Variants in NRXN3 observed in about 807,000 individuals in gnomAD.
NRXN3 encodes the protein neurexin 3.
A neutral mutation model predicts 137.6 loss-of-function variants in NRXN3; 32 were observed. The observed-to-expected ratio is 0.23, with a 90% CI of 0.18 to 0.31. The LOEUF (loss-of-function observed/expected upper bound fraction) is 0.31. NRXN3 is among the 10% of genes least tolerant of loss of function. NRXN3 has a pLI of 1.00. For synonymous variants in NRXN3, 798 were observed against 784.5 expected (o/e 1.02, Z -0.29); for missense variants, 1,574 against 2,062.5 (o/e 0.76, Z 4.59).
At chr14:78,718,567 T>A (rs532192720) in intron 8 of NRXN3, among the ~76,000 whole-genome samples, 1 of 152,332 alleles carries the variant, frequency 6.6e-6, no homozygotes, top group South Asian at 2.1e-4. Flanking sequence ...GATACTAAGA[T>A]TAATTTGCAT....
intron 16 of NRXN3, among the ~76,000 whole-genome samples, chr14:79,573,414 A>C (rs1431715357): frequency 6.6e-6 from 1 of 152,150 alleles, no homozygotes; most frequent in Non-Finnish European, 1.5e-5. Context: ...AGCTTCAGCC[A>C]GTTGTCACAC....
intron 15 of NRXN3, among the ~76,000 whole-genome samples, chr14:79,159,472 C>T (rs1056858482): frequency 1.3e-5 from 2 of 151,758 alleles, no homozygotes; most frequent in African/African-American, 4.8e-5. Context: ...GTGTCTATGG[C>T]GTTGGCTATT....
intron 19 of NRXN3, among the ~76,000 whole-genome samples, chr14:79,723,311 T>C (rs1248792093): frequency 6.6e-6 from 1 of 152,092 alleles, no homozygotes; most frequent in Non-Finnish European, 1.5e-5. Context: ...AGGGGATCCA[T>C]AGACACAAAA....
intron 15 of NRXN3, among the ~76,000 whole-genome samples, chr14:79,203,017 C>T (rs1281716424): frequency 6.6e-6 from 1 of 152,188 alleles, no homozygotes; most frequent in African/African-American, 2.4e-5. Flanking sequence ...TCCATGCCAA[C>T]ATCTACTGTT....
intron 16 of NRXN3, among the ~76,000 whole-genome samples, chr14:79,479,175 T>G (rs2096585141): frequency 6.6e-6 from 1 of 152,168 alleles, no homozygotes; most frequent in African/African-American, 2.4e-5. Context: ...GTTACTAAAC[T>G]TTTTTGAAAA....
intron 2 of NRXN3, 24 bp from the exon 3 acceptor site, chr14:78,278,621 C>T: frequency 6.5e-7 from 1 of 1,532,182 alleles, no homozygotes; most frequent in Non-Finnish European, 8.7e-7. Context: ...CTCCCTTTCC[C>T]TCCCTTTGAA....
At chr14:78,531,986 T>C (rs956886086) in intron 4 of NRXN3, among the ~76,000 whole-genome samples, 1 of 152,082 alleles carries the variant, frequency 6.6e-6, no homozygotes, top group Non-Finnish European at 1.5e-5. Flanking sequence ...CCCTAAGTTT[T>C]ATTGGAGAAC....
intron 4 of NRXN3, among the ~76,000 whole-genome samples, chr14:78,378,212 C>T (rs556702912): frequency 1.4e-4 from 22 of 152,200 alleles, no homozygotes; most frequent in East Asian, 5.8e-4. Context: ...AGGCCGGGAA[C>T]GGTGGCTCAC....
intron 4 of NRXN3, among the ~76,000 whole-genome samples, chr14:78,479,979 A>G (rs1047342060): frequency 6.6e-6 from 1 of 152,146 alleles, no homozygotes; most frequent in East Asian, 1.9e-4. Context: ...TCTCTACTAA[A>G]AAATACAAAA....
chr14:79,582,381 A>G (rs960352650), intron 16 of NRXN3, among the ~76,000 whole-genome samples: 36 of 151,998 alleles, frequency 2.4e-4, no homozygotes, highest in Admixed American at 5.9e-4. Flanking sequence ...ACTATATCCT[A>G]TGTTTTTTGT....
At chr14:79,651,007 T>C (rs1477497816) in intron 16 of NRXN3, among the ~76,000 whole-genome samples, 1 of 152,202 alleles carries the variant, frequency 6.6e-6, no homozygotes, top group Non-Finnish European at 1.5e-5. Flanking sequence ...TCTGAAAGCT[T>C]GGCATCTTGG....
intron 2 of NRXN3, among the ~76,000 whole-genome samples, chr14:78,268,669 A>G (rs2072219064): frequency 6.6e-6 from 1 of 152,292 alleles, no homozygotes; most frequent in South Asian, 2.1e-4. Flanking sequence ...CATCCTGGCT[A>G]TTATTTATGA....
chr14:79,581,695 C>T lies in NRXN3; in HGVS notation c.3445-82083C>T, dbSNP rs1440452723. On this transcript the variant is annotated intron_variant, in intron 16 of 20. Transcript: ENST00000335750. ...TTCCCCTTACTTTAAATTCTGAAAA[C>T]GCTAATGACTGAGCTTTTCATTTAG... Among the ~76,000 whole-genome samples the T allele has an allele frequency of 3.3e-5, 5 of 152,236 alleles. No homozygotes were observed. In the South Asian group the frequency reaches 6.2e-4, roughly 19 times the overall value.
chr14:78,954,769 T>A (rs1451678277), intron 10 of NRXN3, among the ~76,000 whole-genome samples: 3 of 89,434 alleles, frequency 3.4e-5, no homozygotes, highest in African/African-American at 2.3e-4. Flanking sequence ...CTGGCCTGGT[T>A]TTTTTTTTTT....
rs140397338 is a variant in NRXN3 at position 78,742,168 on chromosome 14, C to T, written c.2044+27029C>T. Among the ~76,000 whole-genome samples, 22 of 152,316 alleles carry T rather than the reference C, an allele frequency of 1.4e-4. No individual in the cohort carries two copies. In the East Asian group the frequency reaches 4.2e-3, roughly 29 times the overall value. ...ATTTGGCAACTGTCTACTTCCAAAT[C>T]TTCCTCTAGAATATTGCAAGAATGT... is the stretch of plus-strand genomic sequence containing the variant. On this transcript the variant is annotated intron_variant, in intron 8 of 20. Transcript: ENST00000335750.
At chr14:79,291,505 C>A (rs1566691616) in intron 15 of NRXN3, among the ~76,000 whole-genome samples, 1 of 151,452 alleles carries the variant, frequency 6.6e-6, no homozygotes, top group Admixed American at 6.6e-5. Flanking sequence ...ACTGGCATAG[C>A]CACCATGCCC....
intron 10 of NRXN3, among the ~76,000 whole-genome samples, chr14:78,867,641 C>G (rs1417989519): frequency 6.6e-6 from 1 of 152,068 alleles, no homozygotes; most frequent in African/African-American, 2.4e-5. Flanking sequence ...ATATCAGAGG[C>G]GTTCTTCCTG....
intron 15 of NRXN3, among the ~76,000 whole-genome samples, chr14:79,105,979 G>A (rs951843335): frequency 5.9e-5 from 9 of 151,832 alleles, no homozygotes; most frequent in East Asian, 5.8e-4. Flanking sequence ...TAAACCTCCC[G>A]AAGACAGAGG....
chr14:78,918,509 T>C (rs1396998118), intron 10 of NRXN3, among the ~76,000 whole-genome samples: 1 of 152,110 alleles, frequency 6.6e-6, no homozygotes, highest in Non-Finnish European at 1.5e-5. Flanking sequence ...TGCCTTAAAC[T>C]TTAGACTGTC....
Sources: allele counts gnomAD v4.1 joint callset (sites outside exome capture counted in the v4.1 genomes callset), GRCh38; gene constraint gnomAD v4.1.1; transcripts MANE v1.5; gene names NCBI Gene and HGNC (gene_info 2026-07-23, HGNC 2026-07-21).